The following ZNF532 variants were observed in gnomAD, a reference collection of about 807,000 sequenced individuals.
ZNF532 encodes zinc finger protein 532.
ZNF532 carries 22 observed loss-of-function variants against 89.3 expected under a neutral mutation model. The observed-to-expected ratio is 0.25, with a 90% CI of 0.18 to 0.35. The LOEUF (loss-of-function observed/expected upper bound fraction) is 0.35, where lower values mean the gene tolerates loss of function less well. ZNF532 is among the 10% of genes least tolerant of loss of function. ZNF532 has a pLI of 1.00. For missense variants in ZNF532, 1,132 were observed against 1,643.4 expected (o/e 0.69, Z 5.38); for synonymous variants, 606 against 649.6 (o/e 0.93, Z 1.02).
chr18:58,887,081 C>T (rs544811089), intron 2 of ZNF532, among the ~76,000 whole-genome samples: 4 of 152,128 alleles, frequency 2.6e-5, no homozygotes, highest in Non-Finnish European at 2.9e-5. Context: ...GCTTTTCTGG[C>T]GGTGAAATGA....
Position 58,963,705 on chromosome 18 carries a change from C to A in ZNF532, c.3150+9906C>A, listed in dbSNP as rs138801284. Reference sequence around the variant, plus strand: ...GGGTGCAGTGGCTCACGCCTGTAATCCTAACACTTTCAGAGGCTGAGGCAG... The same window carrying A: ...GGGTGCAGTGGCTCACGCCTGTAATACTAACACTTTCAGAGGCTGAGGCAG... On this transcript the variant is annotated intron_variant, in intron 7 of 9. Transcript: ENST00000591808. Among the ~76,000 whole-genome samples the A allele has an allele frequency of 3.1e-3, 463 of 149,366 alleles. 3 individuals are homozygous for A. The Middle Eastern group carries it at 0.044, about 14-fold the overall frequency.
intron 2 of ZNF532, among the ~76,000 whole-genome samples, chr18:58,910,860 A>G (rs1006875198): frequency 6.7e-6 from 1 of 150,354 alleles, no homozygotes; most frequent in Non-Finnish European, 1.5e-5. Context: ...GAGCCCTAAA[A>G]TTCTCTCCTT....
intron 7 of ZNF532, 22 bp downstream of exon 7, chr18:58,953,821 C>T (rs2064470276): frequency 6.2e-7 from 1 of 1,603,532 alleles, no homozygotes; most frequent in Non-Finnish European, 8.5e-7. Flanking sequence ...ATGAAAGCTG[C>T]TCTGGGTGAG....
chr18:58,958,259 A>T (rs2065002302), intron 7 of ZNF532, among the ~76,000 whole-genome samples: 1 of 152,214 alleles, frequency 6.6e-6, no homozygotes, highest in Non-Finnish European at 1.5e-5. Context: ...ACAGATATTC[A>T]GTGCATATTT....
At chr18:58,899,384 C>A (rs2059454027) in intron 2 of ZNF532, among the ~76,000 whole-genome samples, 2 of 152,168 alleles carry the variant, frequency 1.3e-5, no homozygotes, top group Non-Finnish European at 2.9e-5. Flanking sequence ...TGGATTGTCT[C>A]CTTTTGTCTT....
Position 58,955,552 on chromosome 18 carries a change from T to C in ZNF532, c.3150+1753T>C, listed in dbSNP as rs550319630. ...TTGCTCTATTAAATGTGCTAAGAAC[T>C]ATTCTGTAATCTCATTTATTTGTAC... On this transcript the variant is annotated intron_variant, in intron 7 of 9. Transcript: ENST00000591808. Among the ~76,000 whole-genome samples the C allele has an allele frequency of 1.2e-4, 19 of 152,360 alleles. 1 individual carries two copies. The South Asian group carries it at 3.7e-3, about 30-fold the overall frequency.
intron 3 of ZNF532, among the ~76,000 whole-genome samples, chr18:58,933,803 C>G (rs1285152450): frequency 6.6e-6 from 1 of 152,002 alleles, no homozygotes; most frequent in Non-Finnish European, 1.5e-5. Flanking sequence ...ATTTTAAGCT[C>G]TATAAAATTT....
intron 5 of ZNF532, among the ~76,000 whole-genome samples, chr18:58,941,736 G>A (rs757265350): frequency 1.3e-5 from 2 of 152,014 alleles, no homozygotes; most frequent in Non-Finnish European, 2.9e-5. Context: ...GATTGCAGGT[G>A]CGAGCCACTG....
chr18:58,934,186 A>G (rs2062178333), intron 3 of ZNF532: 1 of 403,762 alleles, frequency 2.5e-6, no homozygotes, highest in Non-Finnish European at 4.4e-6. Flanking sequence ...AACTCTGCTG[A>G]AACAGGTGTT....
In ZNF532 at chr18:58,979,160, G is replaced by A. The variant is rs373522652; in HGVS notation, c.3256G>A (p.Ala1086Thr). ...GCACAAAGGCATCAGGAAAGTGTACGCCTGCTCGTAAGTCCTGGTTTCTAA... is the reference window on the plus strand; with the variant it reads ...GCACAAAGGCATCAGGAAAGTGTACACCTGCTCGTAAGTCCTGGTTTCTAA... ...IKHKGIRKVY[A>T]CSHCPDSRRT... is the part of the protein sequence containing the mutation. The change falls in exon 8 of 10, where the codon GCC becomes ACC. Residue 1086 changes from alanine to threonine, a missense_variant. Ala to Thr is a moderately conservative substitution (Grantham distance 58). This residue lies in a region of ZNF532 where 415 missense variants were observed against 604.8 expected (regional missense o/e 0.69). Coordinates refer to ENST00000591808, the MANE Select transcript of ZNF532 (RefSeq NM_001375912.1). The A allele has an allele frequency of 1.1e-5, 18 of 1,610,038 alleles. No individual in the cohort carries two copies. Among genetic ancestry groups the A allele is most frequent in the East Asian group, 8.9e-5 (4 of 44,824 alleles).
chr18:58,887,724 AG>A (rs1457645444), intron 2 of ZNF532, among the ~76,000 whole-genome samples: 4 of 152,194 alleles, frequency 2.6e-5, no homozygotes, highest in Non-Finnish European at 5.9e-5. Context: ...ATGCAGGACT[AG>A]GCAGTATTGC....
In ZNF532 at chr18:58,953,441, A is replaced by T. The variant is rs1035561866; in HGVS notation, c.2869-77A>T. On this transcript the variant is annotated intron_variant, in intron 6 of 9. Transcript: ENST00000591808. ...AAACTGGTGTTGAAATGTGTACCAC[A>T]TGTTAAGATAGCATACTTGTGCTTT... 6.2e-6 allele frequency: 8 copies of T among 1,288,096 alleles called. No individual in the cohort carries two copies. The African/African-American group carries it at 7.4e-5, about 12-fold the overall frequency. 79.8% of individuals were successfully genotyped at this position (1,288,096 alleles called of 1,614,324 possible). A position where few individuals can be genotyped will look rare whatever the true frequency, so the allele number is the denominator to read the frequency against.
intron 2 of ZNF532, among the ~76,000 whole-genome samples, chr18:58,913,798 T>TC (rs1328470734): frequency 6.6e-6 from 1 of 152,204 alleles, no homozygotes; most frequent in Non-Finnish European, 1.5e-5. Flanking sequence ...GATTTGTTTT[T>TC]CTCTAAGTAG....
chr18:58,895,904 G>A (rs1347185643), intron 2 of ZNF532, among the ~76,000 whole-genome samples: 3 of 145,102 alleles, frequency 2.1e-5, no homozygotes, highest in Non-Finnish European at 4.5e-5. Flanking sequence ...AGGCTGTACT[G>A]CAGTGGCATG....
rs534547602 is a variant in ZNF532 at position 58,933,804 on chromosome 18, T to A, written c.2347-629T>A. Among the ~76,000 whole-genome samples, 16 of 152,186 alleles carry A rather than the reference T, an allele frequency of 1.1e-4. No homozygotes were observed. In the East Asian group the frequency reaches 2.9e-3, roughly 28 times the overall value. On this transcript the variant is annotated intron_variant, in intron 3 of 9. Transcript: ENST00000591808. The stretch of plus-strand genomic sequence containing the variant: ...TTATACATAATCAGATTTTAAGCTC[T>A]ATAAAATTTTAATTTAATGTCTAAA...
At chr18:58,889,671 G>T (rs893790570) in intron 2 of ZNF532, among the ~76,000 whole-genome samples, 1 of 152,048 alleles carries the variant, frequency 6.6e-6, no homozygotes, top group African/African-American at 2.4e-5. Context: ...TACTCGGGAG[G>T]CTGAGGCAGA....
chr18:58,901,819 G>A (rs898941230), intron 2 of ZNF532, among the ~76,000 whole-genome samples: 4 of 152,142 alleles, frequency 2.6e-5, no homozygotes, highest in African/African-American at 4.8e-5. Context: ...GGATTTCTCT[G>A]TTGGCTTCGC....
At position 58,919,869 on chromosome 18, in the gene ZNF532, A is replaced by C. The variant is rs1319016099; in HGVS notation, c.1582A>C (p.Asn528His). 6.2e-7 allele frequency: 1 copy of C among 1,613,996 alleles called. No homozygotes were observed. Among genetic ancestry groups the C allele is most frequent in the Admixed American group, 1.7e-5 (1 of 60,024 alleles). The change falls in exon 3 of 10, where the codon AAC becomes CAC. Residue 528 changes from asparagine (N) to histidine (H), a missense_variant. Physicochemically the swap from Asn to His is moderately conservative, Grantham distance 68. Around this residue, in one of 9 missense-constraint regions of ZNF532, gnomAD observed 97 missense variants for 143.7 expected, o/e 0.68. Coordinates refer to ENST00000591808, the MANE Select transcript of ZNF532 (RefSeq NM_001375912.1). This position sits in a 1 kb window ranked among gnomAD's most constrained non-coding sequence, Gnocchi z 6.1. ...AAAGACTGTGCACCTTGCCAACCTTAACCTTTTGCCTCAGGGTGCCCAGGC... is the reference window on the plus strand; with the variant it reads ...AAAGACTGTGCACCTTGCCAACCTTCACCTTTTGCCTCAGGGTGCCCAGGC... ...VPKTVHLANL[N>H]LLPQGAQATS...
At chr18:58,909,216 G>A (rs1193119975) in intron 2 of ZNF532, among the ~76,000 whole-genome samples, 2 of 152,174 alleles carry the variant, frequency 1.3e-5, no homozygotes, top group African/African-American at 4.8e-5. Flanking sequence ...GCCTCCCAAA[G>A]TGTTGGGATT....
Sources: allele counts gnomAD v4.1 joint callset (sites outside exome capture counted in the v4.1 genomes callset), GRCh38; gene constraint gnomAD v4.1.1; regional missense constraint gnomAD v4.1.1; non-coding constraint Gnocchi (gnomAD v3.1); transcripts MANE v1.5; gene names NCBI Gene and HGNC (gene_info 2026-07-23, HGNC 2026-07-21).